Variants in CHAF1B observed in about 807,000 individuals in gnomAD.
The protein encoded by CHAF1B is chromatin assembly factor 1 subunit B, also known as CAF-1 subunit B.
Under a neutral mutation model 60.7 loss-of-function variants are expected in CHAF1B, and 10 were observed. The ratio of observed to expected loss-of-function variants is 0.16; its 90% confidence interval spans 0.10 to 0.28. The LOEUF (loss-of-function observed/expected upper bound fraction) is 0.28. CHAF1B is among the 10% of genes least tolerant of loss of function. CHAF1B has a pLI of 1.00. For synonymous variants in CHAF1B, 261 were observed against 266.1 expected, an observed-to-expected ratio of 0.98 and a Z score of 0.19; for missense variants, 558 against 708.4, an observed-to-expected ratio of 0.79 and a Z score of 2.41.
Position 36,402,872 on chromosome 21 carries a change from C to T in CHAF1B, c.757+21C>T, listed in dbSNP as rs574249440. On this transcript the variant is annotated intron_variant, in intron 8 of 13. Coordinates refer to ENST00000314103, the MANE Select transcript of CHAF1B (RefSeq NM_005441.3). ...GCCAGGTGTGTTTCGTAGCTTTGGA[C>T]TTAAAGGAATGATGGCCGAGTGGGG... is the stretch of plus-strand genomic sequence containing the variant. 87 of 1,590,506 alleles carry T rather than the reference C, an allele frequency of 5.5e-5. No homozygotes were observed. The South Asian group carries it at 9.0e-4, about 16-fold the overall frequency.
intron 8 of CHAF1B, among the ~76,000 whole-genome samples, chr21:36,407,602 G>A (rs1295503747): frequency 6.6e-6 from 1 of 152,162 alleles, no homozygotes; most frequent in Non-Finnish European, 1.5e-5. Context: ...ATGATTATGT[G>A]AGCATGGAGG....
intron 2 of CHAF1B, 144 bp from the exon 3 acceptor site, chr21:36,387,454 C>G (rs913103800): frequency 2.4e-5 from 23 of 954,634 alleles, no homozygotes; most frequent in Non-Finnish European, 3.5e-5. Flanking sequence ...CTCCTGGCCT[C>G]AAGTGATTTA....
intron 12 of CHAF1B, among the ~76,000 whole-genome samples, chr21:36,415,056 C>T (rs1327130531): frequency 1.3e-5 from 2 of 152,304 alleles, no homozygotes; most frequent in Non-Finnish European, 2.9e-5. Flanking sequence ...TGAAACTTTT[C>T]GATGACTGGT....
chr21:36,412,761 G>C, intron 11 of CHAF1B, 123 bp from the exon 12 acceptor site: 1 of 865,224 alleles, frequency 1.2e-6, no homozygotes, highest in South Asian at 1.8e-5. Flanking sequence ...CTCTTTTCCA[G>C]TTGTATCTTT....
rs2086333004 is a variant in CHAF1B at position 36,418,257 on chromosome 21, C to T, written c.*1891C>T. On this transcript the variant is annotated 3_prime_UTR_variant, in exon 14 of 14. Coordinates refer to ENST00000314103, the MANE Select transcript of CHAF1B (RefSeq NM_005441.3). The stretch of plus-strand genomic sequence containing the variant: ...TCCAACGCCTGACCTCGTGATCTGC[C>T]CACCTCAGCCTCCCAAAGTGCTGGG... The T allele has an allele frequency of 6.6e-6, 1 of 152,042 alleles. No individual in the cohort carries two copies. Among genetic ancestry groups the T allele is most frequent in the African/African-American group, 2.4e-5 (1 of 41,410 alleles). The allele number at this position is 152,042 out of a possible 1,614,324, so 9.4% of individuals were successfully genotyped here. A position where few individuals can be genotyped will look rare whatever the true frequency, so the allele number is the denominator to read the frequency against.
chr21:36,400,566 A>T (rs2086179694), intron 7 of CHAF1B, among the ~76,000 whole-genome samples: 1 of 152,154 alleles, frequency 6.6e-6, no homozygotes, highest in African/African-American at 2.4e-5. Context: ...GGAGGTAAGC[A>T]GGGCCTCCAT....
At chr21:36,411,437 A>G (rs776384538) in intron 10 of CHAF1B, 26 bp from the exon 11 acceptor site, 3 of 1,611,678 alleles carry the variant, frequency 1.9e-6, no homozygotes, top group Non-Finnish European at 2.5e-6. Context: ...CTGTGGTTTT[A>G]CTTTGTCTCT....
intron 10 of CHAF1B, 64 bp downstream of exon 10, chr21:36,409,529 G>T: frequency 8.4e-7 from 1 of 1,195,232 alleles, no homozygotes; most frequent in Non-Finnish European, 1.2e-6. Context: ...AGAGTGGGGT[G>T]GAGATTTGGA....
Position 36,385,825 on chromosome 21 carries a change from G to A in CHAF1B, c.-77-235G>A, listed in dbSNP as rs1474706054. ...GCCGTGCAGACGGCCGGGGCCCCTA[G>A]GTAGCCTTTACCTGGGTGTTTCGTT... On this transcript the variant is annotated intron_variant, in intron 1 of 13. Transcript: ENST00000314103. Among the ~76,000 whole-genome samples the A allele has an allele frequency of 2.6e-5, 4 of 152,312 alleles. No individual in the cohort carries two copies. In the East Asian group the frequency reaches 7.8e-4, roughly 30 times the overall value.
intron 10 of CHAF1B, among the ~76,000 whole-genome samples, chr21:36,410,536 C>T (rs1018341525): frequency 6.6e-6 from 1 of 151,886 alleles, no homozygotes. Context: ...GTTTGCTAAC[C>T]CTTTCTTCTG....
chr21:36,398,786 T>G (rs917980548), intron 6 of CHAF1B, among the ~76,000 whole-genome samples: 2 of 152,184 alleles, frequency 1.3e-5, no homozygotes, highest in Non-Finnish European at 2.9e-5. Flanking sequence ...AACAAAGAGT[T>G]AGAAAAAATG....
intron 12 of CHAF1B, among the ~76,000 whole-genome samples, chr21:36,414,179 T>C (rs1477579408): frequency 6.6e-6 from 1 of 152,186 alleles, no homozygotes; most frequent in African/African-American, 2.4e-5. Context: ...GATGTCCAGT[T>C]ACCCCTCTGA....
chr21:36,386,201 A>T lies in CHAF1B; in HGVS notation c.65A>T (p.Gln22Leu). 7 of 1,614,218 alleles carry T rather than the reference A, an allele frequency of 4.3e-6. No homozygotes were observed. Among genetic ancestry groups the T allele is most frequent in the Non-Finnish European group, 5.9e-6 (7 of 1,180,030 alleles). Residue 22 changes from glutamine to leucine, a missense_variant, in exon 2 of 14, where the codon CAG becomes CTG. This residue lies in a region of CHAF1B where 325 missense variants were observed against 493.5 expected (regional missense o/e 0.66). Coordinates refer to ENST00000314103, the MANE Select transcript of CHAF1B (RefSeq NM_005441.3). ...GAGCCCGTGTACAGCCTGGACTTCC[A>T]GCATGGGACGGCTGGGAGGATCCAC... is the stretch of plus-strand genomic sequence containing the variant. The part of the protein sequence containing the change: ...NKEPVYSLDF[Q>L]HGTAGRIHRL...
intron 4 of CHAF1B, among the ~76,000 whole-genome samples, chr21:36,393,233 G>C (rs1285210902): frequency 1.3e-5 from 2 of 151,558 alleles, no homozygotes. Context: ...GGAGACGGTG[G>C]AGGGAGAGGG....
Position 36,391,597 on chromosome 21 carries a change from G to A in CHAF1B, c.306G>A (p.Glu102=). ...LWKVNDNKEP[E]QIAFQDEDEA... ...AGGTGAATGATAACAAGGAGCCGGA[G>A]CAGATCGCTTTTCAGGATGAGGACG... The change falls in exon 4 of 14, where the codon GAG becomes GAA. Residue 102 remains glutamate, a synonymous_variant. Coordinates refer to ENST00000314103, the MANE Select transcript of CHAF1B (RefSeq NM_005441.3). 6.2e-7 allele frequency: 1 copy of A among 1,613,778 alleles called. No individual in the cohort carries two copies. Among genetic ancestry groups the A allele is most frequent in the South Asian group, 1.1e-5 (1 of 91,070 alleles).
rs748397459 is a variant in CHAF1B, at chr21:36,415,420, T to G, written c.1588+31T>G. 4 of 1,327,586 alleles carry G rather than the reference T, an allele frequency of 3.0e-6. No individual in the cohort carries two copies. The South Asian group carries it at 4.8e-5, about 16-fold the overall frequency. 82.2% of individuals were successfully genotyped at this position (1,327,586 alleles called of 1,614,324 possible). ...TAATATTGTTACTGGTTTAATATAA[T>G]GAAAGGTAGAGTATCTTTTCTTTTG... On this transcript the variant is annotated intron_variant, in intron 13 of 13. Transcript: ENST00000314103.
At chr21:36,388,612 G>A (rs956904363) in intron 3 of CHAF1B, among the ~76,000 whole-genome samples, 2 of 151,718 alleles carry the variant, frequency 1.3e-5, no homozygotes, top group East Asian at 1.9e-4. Flanking sequence ...GATTACAGGC[G>A]CCTGCCACCA....
chr21:36,385,985 A>C, intron 1 of CHAF1B, 75 bp from the exon 2 acceptor site: 1 of 820,342 alleles, frequency 1.2e-6, no homozygotes, highest in Non-Finnish European at 1.9e-6. Context: ...TGTGCATTTT[A>C]AATGGCTCCT....
At chr21:36,394,524 T>C (rs201455139) in intron 4 of CHAF1B, 23 bp from the exon 5 acceptor site, 1 of 1,566,900 alleles carries the variant, frequency 6.4e-7, no homozygotes, top group Non-Finnish European at 8.8e-7. Flanking sequence ...ATTGCTTTTT[T>C]CCTCTTTGTT....
Sources: allele counts gnomAD v4.1 joint callset (sites outside exome capture counted in the v4.1 genomes callset), GRCh38; gene constraint gnomAD v4.1.1; regional missense constraint gnomAD v4.1.1; transcripts MANE v1.5; gene names NCBI Gene and HGNC (gene_info 2026-07-23, HGNC 2026-07-21).